Variants in PRKCQ observed in about 807,000 individuals in gnomAD.
PRKCQ encodes protein kinase C theta.
PRKCQ carries 41 observed loss-of-function variants against 91.2 expected under a neutral mutation model. That is an observed-to-expected ratio of 0.45 (90% confidence interval 0.35 to 0.58). PRKCQ has a LOEUF of 0.58. Among genes scored for constraint, PRKCQ ranks in the 20% least tolerant of loss-of-function variants. The pLI is 0.00. For missense variants in PRKCQ, 673 were observed against 896.5 expected (o/e 0.75, Z 3.18); for synonymous variants, 307 against 316.9 (o/e 0.97, Z 0.33).
chr10:6,544,063 T>G (rs761799430), intron 1 of PRKCQ, among the ~76,000 whole-genome samples: 9 of 152,208 alleles, frequency 5.9e-5, no homozygotes, highest in Non-Finnish European at 1.3e-4. Flanking sequence ...CATTACATCA[T>G]GTATCTTACT....
At chr10:6,515,597 G>A (rs767209819) in intron 1 of PRKCQ, 1 of 814,546 alleles carries the variant, frequency 1.2e-6, no homozygotes, top group Non-Finnish European at 1.5e-6. Context: ...TTCTTACATG[G>A]TCTATTTATG....
chr10:6,533,732 A>T (rs773399037), intron 1 of PRKCQ, among the ~76,000 whole-genome samples: 1 of 152,254 alleles, frequency 6.6e-6, no homozygotes, highest in Non-Finnish European at 1.5e-5. Flanking sequence ...AGATCCAATT[A>T]CATATAAAAG....
intron 1 of PRKCQ, among the ~76,000 whole-genome samples, chr10:6,529,255 T>C (rs546828158): frequency 1.3e-5 from 2 of 152,322 alleles, no homozygotes; most frequent in South Asian, 2.1e-4. Flanking sequence ...GTTAGGATAA[T>C]CACTTACTAG....
At chr10:6,568,363 TTTTC>T (rs1450356783) in intron 1 of PRKCQ, among the ~76,000 whole-genome samples, 1 of 152,222 alleles carries the variant, frequency 6.6e-6, no homozygotes, top group African/African-American at 2.4e-5. Flanking sequence ...CTTTACTATT[TTTTC>T]TTTATTAAAA....
chr10:6,415,615 C>A, the PRKCQ span, among the ~76,000 whole-genome samples: 2 of 151,560 alleles, frequency 1.3e-5, no homozygotes, highest in South Asian at 4.2e-4. Context: ...CTGGTCACTG[C>A]CATTGTAGAA....
At chr10:6,404,463 CT>C in the PRKCQ span, among the ~76,000 whole-genome samples, 17 of 143,526 alleles carry the variant, frequency 1.2e-4, no homozygotes, top group African/African-American at 4.1e-4. Context: ...TTCTTCCTTC[CT>C]TTTTTCCTTT....
At chr10:6,461,647 C>G (rs1835357231) in intron 14 of PRKCQ, among the ~76,000 whole-genome samples, 1 of 152,220 alleles carries the variant, frequency 6.6e-6, no homozygotes, top group Non-Finnish European at 1.5e-5. Context: ...ATTCTACACT[C>G]TGTAAGCACC....
the PRKCQ span, among the ~76,000 whole-genome samples, chr10:6,394,318 G>A: frequency 2.0e-5 from 3 of 152,334 alleles, no homozygotes; most frequent in Middle Eastern, 3.4e-3. Flanking sequence ...CGCCTCTGCA[G>A]TCTGCTTGTG....
chr10:6,520,315 T>C (rs1838952366), intron 1 of PRKCQ, among the ~76,000 whole-genome samples: 1 of 152,238 alleles, frequency 6.6e-6, no homozygotes. Context: ...CCCTTCCCCT[T>C]GTGCCTCACG....
intron 7 of PRKCQ, among the ~76,000 whole-genome samples, chr10:6,496,620 T>C (rs1837619058): frequency 6.6e-6 from 1 of 152,192 alleles, no homozygotes; most frequent in Non-Finnish European, 1.5e-5. Flanking sequence ...CAATGAAAAT[T>C]CTTCCTGTAT....
rs1368994307 is a variant in PRKCQ, at chr10:6,497,540, T to C, written c.543-289A>G. ...GAATGAAAATGCATGCATCACAGAC[T>C]CTTCGTAGCACGTTTCCCTGTGCTA... is the stretch of plus-strand genomic sequence containing the variant. On this transcript the variant is annotated intron_variant, in intron 5 of 17. Transcript: ENST00000263125. The surrounding 1 kb of genome is among the most constrained non-coding windows in gnomAD (Gnocchi z 4.5). 1.3e-5 allele frequency among the ~76,000 whole-genome samples: 2 copies of C among 152,216 alleles called. No individual in the cohort carries two copies. Among genetic ancestry groups the C allele is most frequent in the East Asian group, 3.8e-4 (2 of 5,202 alleles).
chr10:6,528,203 G>A (rs1319523399), intron 1 of PRKCQ, among the ~76,000 whole-genome samples: 5 of 152,022 alleles, frequency 3.3e-5, no homozygotes, highest in African/African-American at 7.3e-5. Flanking sequence ...TGTTTTTCCC[G>A]GGTGTGTCCT....
At chr10:6,457,968 C>T (rs74434289) in intron 14 of PRKCQ, among the ~76,000 whole-genome samples, 12,933 of 151,068 alleles carry the variant, frequency 0.086, 637 homozygotes, top group Middle Eastern at 0.19. Context: ...TCCCCTGAGA[C>T]GAGGTCTTTC....
the PRKCQ span, among the ~76,000 whole-genome samples, chr10:6,414,998 T>C: frequency 6.6e-6 from 1 of 152,110 alleles, no homozygotes; most frequent in Non-Finnish European, 1.5e-5. Context: ...AATCTTGCTC[T>C]GTCACCCAGG....
intron 1 of PRKCQ, among the ~76,000 whole-genome samples, chr10:6,551,934 C>T (rs564707434): frequency 6.6e-6 from 1 of 152,336 alleles, no homozygotes; most frequent in Non-Finnish European, 1.5e-5. Context: ...TACACTCCTA[C>T]CAACAGTGTA....
chr10:6,455,619 T>G (rs528219626), intron 15 of PRKCQ, among the ~76,000 whole-genome samples: 27 of 152,362 alleles, frequency 1.8e-4, no homozygotes, highest in African/African-American at 6.3e-4. Context: ...AGAAGGTATC[T>G]ATTAGCACCT....
chr10:6,438,292 G>A (rs1047286266), intron 16 of PRKCQ, among the ~76,000 whole-genome samples: 1 of 152,198 alleles, frequency 6.6e-6, no homozygotes, highest in Non-Finnish European at 1.5e-5. Context: ...TATTAGAGAG[G>A]TGGAAGTGTA....
chr10:6,496,061 C>G (rs960008227), intron 7 of PRKCQ, among the ~76,000 whole-genome samples: 6 of 151,550 alleles, frequency 4.0e-5, no homozygotes, highest in African/African-American at 9.7e-5. Context: ...ACTAAAAATA[C>G]GAAAATTAGC....
In PRKCQ at chr10:6,479,054, C is replaced by T. The variant is rs747149352; in HGVS notation, c.1291G>A (p.Val431Ile). The T allele has an allele frequency of 6.2e-7, 1 of 1,614,214 alleles. No homozygotes were observed. Among genetic ancestry groups the T allele is most frequent in the Non-Finnish European group, 8.5e-7 (1 of 1,180,038 alleles). The change falls in exon 12 of 18, where the codon GTT becomes ATT. Residue 431 changes from valine to isoleucine, a missense_variant. Coordinates refer to ENST00000263125, the MANE Select transcript of PRKCQ (RefSeq NM_006257.5). The stretch of plus-strand genomic sequence containing the variant: ...GGATGCTCCCAGGCCAAGGAAAGAA[C>T]TCTCTTCTCTACCATCGTGCACTCA... The part of the protein sequence containing the change: ...DVECTMVEKR[V>I]LSLAWEHPFL...
Sources: gnomAD v4.1 joint callset for allele counts (sites outside exome capture counted in the v4.1 genomes callset) on GRCh38, gnomAD v4.1.1 for gene constraint, Gnocchi (gnomAD v3.1) non-coding constraint, MANE v1.5 for transcripts, NCBI Gene and HGNC (gene_info 2026-07-23, HGNC 2026-07-21) for gene names.